Variants in SORCS2 observed in about 807,000 individuals in gnomAD.
SORCS2 encodes sortilin related VPS10 domain containing receptor 2.
A neutral mutation model predicts 141.6 loss-of-function variants in SORCS2; 100 were observed. The observed-to-expected ratio is 0.71, with a 90% CI of 0.60 to 0.83. The LOEUF is 0.83. Ranked by LOEUF, SORCS2 falls within the 40% of genes least tolerant of loss-of-function variation. SORCS2 has a pLI of 0.00. For missense variants in SORCS2, 1,646 were observed against 1,560.2 expected (o/e 1.05, Z -0.93); for synonymous variants, 789 against 676.9 (o/e 1.17, Z -2.57).
chr4:7,570,557 A>G (rs1373317489), intron 3 of SORCS2, among the ~76,000 whole-genome samples: 1 of 152,156 alleles, frequency 6.6e-6, no homozygotes, highest in African/African-American at 2.4e-5. Context: ...TGCCTCCCAC[A>G]CCGCCCTGTA....
chr4:7,323,541 A>G (rs1025541864), intron 1 of SORCS2, among the ~76,000 whole-genome samples: 2 of 151,926 alleles, frequency 1.3e-5, no homozygotes, highest in African/African-American at 4.8e-5. Flanking sequence ...GGCTGGGAGG[A>G]TGTGGGGAGG....
intron 3 of SORCS2, among the ~76,000 whole-genome samples, chr4:7,630,503 C>G (rs1719817667): frequency 6.6e-6 from 1 of 152,216 alleles, no homozygotes; most frequent in African/African-American, 2.4e-5. Context: ...AAGGCCACAT[C>G]TCAGTGGGAC....
chr4:7,400,262 A>G (rs1724486866), intron 2 of SORCS2, among the ~76,000 whole-genome samples: 1 of 151,980 alleles, frequency 6.6e-6, no homozygotes, highest in East Asian at 1.9e-4. Context: ...CAGTCCCTGT[A>G]AGGGCTTGTG....
chr4:7,684,846 C>CCCATGGAGG (rs1723774174), intron 10 of SORCS2, among the ~76,000 whole-genome samples: 2 of 152,122 alleles, frequency 1.3e-5, no homozygotes, highest in South Asian at 4.1e-4. Flanking sequence ...CCAGTGTTGG[C>CCCATGGAGG]CCATGGAGGC....
chr4:7,209,662 G>A (rs973879865), intron 1 of SORCS2, among the ~76,000 whole-genome samples: 6 of 151,588 alleles, frequency 4.0e-5, no homozygotes, highest in Non-Finnish European at 8.8e-5. Context: ...TTTGAATTTT[G>A]AGATCACTTC....
intron 1 of SORCS2, among the ~76,000 whole-genome samples, chr4:7,262,406 CCATCCATCCAT>C (rs1714419698): frequency 6.6e-6 from 1 of 151,520 alleles, no homozygotes; most frequent in Non-Finnish European, 1.5e-5. Flanking sequence ...ATCCATCCAT[CCATCCATCCAT>C]CCATCCATCC....
chr4:7,262,278 C>T (rs932095149), intron 1 of SORCS2, among the ~76,000 whole-genome samples: 10 of 151,416 alleles, frequency 6.6e-5, no homozygotes, highest in Middle Eastern at 3.4e-3. Flanking sequence ...ACCCACCTAT[C>T]CATCTATCCA....
intron 1 of SORCS2, among the ~76,000 whole-genome samples, chr4:7,315,025 G>T (rs1340933177): frequency 2.0e-5 from 3 of 151,988 alleles, no homozygotes; most frequent in African/African-American, 7.3e-5. Context: ...TAGAGACAGG[G>T]TTTCATTATA....
chr4:7,308,193 C>A (rs538457325), intron 1 of SORCS2, among the ~76,000 whole-genome samples: 1 of 152,142 alleles, frequency 6.6e-6, no homozygotes, highest in African/African-American at 2.4e-5. Flanking sequence ...AGGCCGAGTC[C>A]CTGCGTGAAA....
At chr4:7,463,142 G>C (rs1329001382) in intron 2 of SORCS2, among the ~76,000 whole-genome samples, 1 of 152,110 alleles carries the variant, frequency 6.6e-6, no homozygotes, top group Non-Finnish European at 1.5e-5. Flanking sequence ...AAGGGGCAGT[G>C]GGCCAGGGAG....
At chr4:7,461,090 A>G (rs912062745) in intron 2 of SORCS2, among the ~76,000 whole-genome samples, 1 of 152,304 alleles carries the variant, frequency 6.6e-6, no homozygotes, top group Admixed American at 6.5e-5. Context: ...TGCCACAAAC[A>G]TCAGAGGACA....
At chr4:7,660,377 A>T (rs1722075568) in intron 5 of SORCS2, among the ~76,000 whole-genome samples, 1 of 152,168 alleles carries the variant, frequency 6.6e-6, no homozygotes, top group Non-Finnish European at 1.5e-5. Flanking sequence ...TCTGTCCCCA[A>T]GGCCCGCAGC....
intron 3 of SORCS2, among the ~76,000 whole-genome samples, chr4:7,556,527 G>A (rs181141922): frequency 1.3e-5 from 2 of 152,266 alleles, no homozygotes; most frequent in African/African-American, 4.8e-5. Context: ...GACCCAGGAG[G>A]CTGAGACCCA....
chr4:7,718,021 A>G lies in SORCS2; in HGVS notation c.2262A>G (p.Lys754=). 1.2e-6 allele frequency: 2 copies of G among 1,603,698 alleles called. No individual in the cohort carries two copies. The highest frequency in any genetic ancestry group is 2.3e-5 in the East Asian group (1 of 44,004). ...TCTCTTGTCAATCCAGGTACCGGAA[A>G]GTGGTGTCCAACGTGTGTGAGGGTG... ...QTYTSSLGYR[K]VVSNVCEGGV... Residue 754 remains lysine, a synonymous_variant, in exon 18 of 27, where the codon AAA becomes AAG. Transcript: ENST00000507866.
At chr4:7,703,173 C>A (rs1577093663) in intron 12 of SORCS2, 107 bp from the exon 13 acceptor site, 2 of 874,856 alleles carry the variant, frequency 2.3e-6, no homozygotes, top group East Asian at 5.7e-5. Context: ...CCTCTGCCAA[C>A]AACCCCCGGC....
chr4:7,242,940 G>A (rs1712802759), intron 1 of SORCS2, among the ~76,000 whole-genome samples: 2 of 152,212 alleles, frequency 1.3e-5, no homozygotes, highest in African/African-American at 2.4e-5. Flanking sequence ...TGGATGGGAG[G>A]CACTGGGGCG....
chr4:7,549,019 G>A lies in SORCS2; in HGVS notation c.648+17390G>A, dbSNP rs1243181578. On this transcript the variant is annotated intron_variant, in intron 3 of 26. Coordinates refer to ENST00000507866, the MANE Select transcript of SORCS2 (RefSeq NM_020777.3). ...TCGCATGTTATCCATAGAACATAGG[G>A]TGGGGTCCACCCACCCACATGGCCA... Among the ~76,000 whole-genome samples the A allele has an allele frequency of 2.6e-5, 4 of 152,026 alleles. No individual in the cohort carries two copies. The East Asian group carries it at 5.8e-4, about 22-fold the overall frequency.
chr4:7,325,634 T>C (rs2108954887), intron 1 of SORCS2, among the ~76,000 whole-genome samples: 1 of 152,186 alleles, frequency 6.6e-6, no homozygotes, highest in East Asian at 1.9e-4. Flanking sequence ...AGGTAATGAG[T>C]TCACTATACC....
At chr4:7,714,400 G>C in intron 16 of SORCS2, 27 bp downstream of exon 16, 2 of 1,543,860 alleles carry the variant, frequency 1.3e-6, no homozygotes, top group Non-Finnish European at 1.7e-6. Flanking sequence ...TGGCCACGAG[G>C]CCTCAGGCGC....
Sources: gnomAD v4.1 joint callset for allele counts (sites outside exome capture counted in the v4.1 genomes callset) on GRCh38, gnomAD v4.1.1 for gene constraint, MANE v1.5 for transcripts, NCBI Gene and HGNC (gene_info 2026-07-23, HGNC 2026-07-21) for gene names.